Variants in MSRB3 observed in about 807,000 individuals in gnomAD.
The protein encoded by MSRB3 is methionine-R-sulfoxide reductase B3.
In MSRB3, 13 loss-of-function variants were observed where a neutral mutation model predicts 21.0. The observed-to-expected ratio is 0.62, with a 90% confidence interval of 0.40 to 0.98. The LOEUF is 0.98. MSRB3 is among the 50% of genes least tolerant of loss of function. The pLI is 0.00. For synonymous variants in MSRB3, 87 were observed against 88.6 expected (o/e 0.98, Z 0.10); for missense variants, 199 against 230.3 (o/e 0.86, Z 0.88).
intron 3 of MSRB3, among the ~76,000 whole-genome samples, chr12:65,328,178 T>C (rs1380962109): frequency 6.6e-6 from 1 of 152,182 alleles, no homozygotes; most frequent in Non-Finnish European, 1.5e-5. Flanking sequence ...TTTTCTGGTA[T>C]ATACTCTTGC....
At chr12:65,341,399 A>G (rs991227356) in intron 4 of MSRB3, among the ~76,000 whole-genome samples, 2 of 152,050 alleles carry the variant, frequency 1.3e-5, no homozygotes, top group South Asian at 4.1e-4. Context: ...AAGGATGGTT[A>G]CCAGAGGCTG....
At chr12:65,321,155 A>C (rs1291362264) in intron 2 of MSRB3, among the ~76,000 whole-genome samples, 1 of 151,930 alleles carries the variant, frequency 6.6e-6, no homozygotes, top group Non-Finnish European at 1.5e-5. Context: ...AGACTATATA[A>C]TTTACTTACT....
intron 4 of MSRB3, among the ~76,000 whole-genome samples, chr12:65,358,719 T>G (rs1336859536): frequency 6.6e-6 from 1 of 152,022 alleles, no homozygotes; most frequent in Non-Finnish European, 1.5e-5. Flanking sequence ...GTAGGTGGCC[T>G]CTCTGCTTTG....
intron 4 of MSRB3, among the ~76,000 whole-genome samples, chr12:65,333,305 C>G (rs938651843): frequency 6.6e-6 from 1 of 152,120 alleles, no homozygotes; most frequent in African/African-American, 2.4e-5. Context: ...CTGAATGTGC[C>G]TGTTTGAAAT....
At chr12:65,301,976 GT>G (rs559286719) in intron 1 of MSRB3, among the ~76,000 whole-genome samples, 250 of 151,928 alleles carry the variant, frequency 1.6e-3, no homozygotes, top group African/African-American at 5.7e-3. Flanking sequence ...TTTATTTTGG[GT>G]AATATAGTTA....
intron 4 of MSRB3, among the ~76,000 whole-genome samples, chr12:65,332,548 A>G (rs191160037): frequency 2.0e-5 from 3 of 152,228 alleles, no homozygotes; most frequent in Admixed American, 6.5e-5. Context: ...TGACAAGTTA[A>G]TGGGTGCAGC....
intron 5 of MSRB3, among the ~76,000 whole-genome samples, chr12:65,380,983 A>G (rs1878910733): frequency 1.3e-5 from 2 of 152,208 alleles, no homozygotes; most frequent in Non-Finnish European, 2.9e-5. Flanking sequence ...TAGTTGCAGA[A>G]ATTTTCTCCC....
intron 5 of MSRB3, among the ~76,000 whole-genome samples, chr12:65,384,176 T>C (rs997626908): frequency 6.6e-6 from 1 of 152,232 alleles, no homozygotes. Flanking sequence ...GGACATTATA[T>C]CTTTTATAAA....
chr12:65,318,176 C>T (rs2136436939), intron 2 of MSRB3, among the ~76,000 whole-genome samples: 1 of 152,022 alleles, frequency 6.6e-6, no homozygotes, highest in South Asian at 2.1e-4. Flanking sequence ...CAACTGAAGA[C>T]TTGTTTTCTA....
At chr12:65,299,724 C>T (rs1372484359) in intron 1 of MSRB3, among the ~76,000 whole-genome samples, 1 of 152,176 alleles carries the variant, frequency 6.6e-6, no homozygotes, top group Non-Finnish European at 1.5e-5. Flanking sequence ...TAACCCTCTA[C>T]TTTATAAGAG....
intron 4 of MSRB3, among the ~76,000 whole-genome samples, chr12:65,348,218 AC>A (rs1266558801): frequency 6.6e-6 from 1 of 152,036 alleles, no homozygotes; most frequent in Admixed American, 6.6e-5. Context: ...CTGGTCCTGG[AC>A]TTTTTTTGGT....
chr12:65,309,684 G>A (rs1217628415), intron 2 of MSRB3, among the ~76,000 whole-genome samples: 1 of 152,126 alleles, frequency 6.6e-6, no homozygotes, highest in South Asian at 2.1e-4. Flanking sequence ...GTTTAAGGAG[G>A]GCATTATGGA....
In MSRB3 at chr12:65,411,856, TA is replaced by T. The variant is rs552537573; in HGVS notation, c.293-41866del. Among the ~76,000 whole-genome samples the T allele has an allele frequency of 1.7e-3, 254 of 150,884 alleles. 1 individual carries two copies. The highest frequency in any genetic ancestry group is 5.9e-3 in the African/African-American group (242 of 41,336). On this transcript the variant is annotated intron_variant, in intron 5 of 6. Coordinates refer to ENST00000308259, the MANE Select transcript of MSRB3 (RefSeq NM_001031679.3). ...TTTAATATTTAGATTTATATGTATA[TA>T]AAAAACATAGGATGTGATTTTTCAT...
chr12:65,421,774 A>G (rs1283161779), intron 5 of MSRB3, among the ~76,000 whole-genome samples: 1 of 152,162 alleles, frequency 6.6e-6, no homozygotes, highest in Non-Finnish European at 1.5e-5. Flanking sequence ...TGATGCAAAA[A>G]CACATTTAAG....
chr12:65,413,238 C>G (rs573050578), intron 5 of MSRB3, among the ~76,000 whole-genome samples: 1 of 152,290 alleles, frequency 6.6e-6, no homozygotes, highest in Non-Finnish European at 1.5e-5. Context: ...CAGGCTTAAG[C>G]TACCAGTGTT....
intron 2 of MSRB3, among the ~76,000 whole-genome samples, chr12:65,313,119 A>T (rs1232651863): frequency 2.6e-5 from 4 of 152,086 alleles, no homozygotes; most frequent in Admixed American, 6.6e-5. Context: ...TTTGGTAGTA[A>T]ACTGTTTGAG....
intron 5 of MSRB3, among the ~76,000 whole-genome samples, chr12:65,388,190 A>G (rs1340323790): frequency 6.6e-6 from 1 of 152,202 alleles, no homozygotes; most frequent in Non-Finnish European, 1.5e-5. Context: ...TTATTTGTAT[A>G]TTTAGGAAGG....
intron 4 of MSRB3, among the ~76,000 whole-genome samples, chr12:65,343,328 T>C (rs1315528236): frequency 1.3e-5 from 2 of 152,032 alleles, no homozygotes; most frequent in African/African-American, 4.8e-5. Context: ...GACTTCCTAA[T>C]GAAAGGTAGC....
intron 5 of MSRB3, among the ~76,000 whole-genome samples, chr12:65,426,046 G>A (rs1034989441): frequency 1.3e-5 from 2 of 151,790 alleles, no homozygotes; most frequent in Non-Finnish European, 2.9e-5. Context: ...TTAGTAGAGA[G>A]GGGGTTTCAC....
Sources: allele counts gnomAD v4.1 joint callset (sites outside exome capture counted in the v4.1 genomes callset), GRCh38; gene constraint gnomAD v4.1.1; transcripts MANE v1.5; gene names NCBI Gene and HGNC (gene_info 2026-07-23, HGNC 2026-07-21).